LARGE1: variants seen among roughly 807,000 people sequenced by gnomAD.
LARGE1 encodes the protein LARGE xylosyl- and glucuronyltransferase 1.
A neutral mutation model predicts 87.6 loss-of-function variants in LARGE1; 43 were observed. The ratio of observed to expected loss-of-function variants is 0.49; its 90% confidence interval spans 0.38 to 0.63. The LOEUF (loss-of-function observed/expected upper bound fraction) is 0.63, where lower values mean the gene tolerates loss of function less well. Ranked by LOEUF, LARGE1 falls within the 30% of genes least tolerant of loss-of-function variation. The pLI is 0.00. For missense variants in LARGE1, 802 were observed against 1,000.2 expected (o/e 0.80, Z 2.67); for synonymous variants, 434 against 394.6 (o/e 1.10, Z -1.18).
chr22:33,198,676 C>CACACATACACACAT lies in LARGE1; in HGVS notation c.1731-31845_1731-31844insATGTGTGTATGTGT, dbSNP rs60375534. Among the ~76,000 whole-genome samples the CACACATACACACAT allele has an allele frequency of 2.3e-3, 336 of 148,564 alleles. 2 individuals are homozygous for CACACATACACACAT. The highest frequency in any genetic ancestry group is 7.8e-3 in the African/African-American group (313 of 39,996). On this transcript the variant is annotated intron_variant, in intron 11 of 11. Coordinates refer to the LARGE1 transcript ENST00000608642. ...ACACACACACACACACACACACACACGTATCTAAAATACTATACTACATGG... is the reference window on the plus strand; with the variant it reads ...ACACACACACACACACACACACACACACACATACACACATGTATCTAAAATACTATACTACATGG...
At chr22:33,254,563 C>G (rs923855961) in intron 11 of LARGE1, among the ~76,000 whole-genome samples, 6 of 152,194 alleles carry the variant, frequency 3.9e-5, no homozygotes, top group African/African-American at 1.4e-4. Context: ...GACTCCAGAG[C>G]CAGAATGACT....
intron 6 of LARGE1, among the ~76,000 whole-genome samples, chr22:33,504,086 CAG>C (rs1020870302): frequency 6.6e-6 from 1 of 152,120 alleles, no homozygotes; most frequent in Non-Finnish European, 1.5e-5. Flanking sequence ...TCTGCAGAGA[CAG>C]AGAGTAGATT....
At chr22:33,165,524 C>T (rs1226930863) in exon 12 of LARGE1, 1 of 152,204 alleles carries the variant, frequency 6.6e-6, no homozygotes, top group Non-Finnish European at 1.5e-5. Flanking sequence ...TCTACCTGTA[C>T]TTCAAAATCA....
At chr22:33,889,372 T>A (rs2064945545) in intron 1 of LARGE1, 1 of 152,268 alleles carries the variant, frequency 6.6e-6, no homozygotes, top group South Asian at 2.1e-4. Context: ...ATTTATGACA[T>A]CTTTTTCAAT....
At chr22:33,250,450 C>A (rs1425662828) in intron 11 of LARGE1, among the ~76,000 whole-genome samples, 1 of 152,184 alleles carries the variant, frequency 6.6e-6, no homozygotes, top group Non-Finnish European at 1.5e-5. Flanking sequence ...CACAGACAAT[C>A]ATGTCATCTG....
At chr22:33,786,469 G>A (rs1318883352) in intron 1 of LARGE1, among the ~76,000 whole-genome samples, 1 of 152,096 alleles carries the variant, frequency 6.6e-6, no homozygotes, top group Non-Finnish European at 1.5e-5. Flanking sequence ...GGGAAAGGGT[G>A]GACTCTTCTC....
In LARGE1 at chr22:33,753,386, A is replaced by G. The variant is rs533200836; in HGVS notation, c.106+7985T>C. On this transcript the variant is annotated intron_variant, in intron 2 of 14. Coordinates refer to ENST00000397394, the MANE Select transcript of LARGE1 (RefSeq NM_133642.5). ...TGGAGGAAGGCGTCACAAGCCAAGGAAAGCGGGCAGCCTCAAGAAGCTTAA... is the reference window on the plus strand; with the variant it reads ...TGGAGGAAGGCGTCACAAGCCAAGGGAAGCGGGCAGCCTCAAGAAGCTTAA... Among the ~76,000 whole-genome samples, 5 of 152,300 alleles carry G rather than the reference A, an allele frequency of 3.3e-5. No homozygotes were observed. In the South Asian group the frequency reaches 1.0e-3, roughly 32 times the overall value.
At chr22:33,921,776 C>A (rs895813710), upstream of LARGE1, among the ~76,000 whole-genome samples, 7 of 152,122 alleles carry the variant, frequency 4.6e-5, no homozygotes, top group Non-Finnish European at 1.0e-4. The surrounding 1 kb of genome is among the most constrained non-coding windows in gnomAD (Gnocchi z 4.1). Flanking sequence ...AATGGACTTC[C>A]AGCCTCCCAG....
At chr22:33,356,604 CT>C (rs1311917284) in intron 9 of LARGE1, among the ~76,000 whole-genome samples, 5 of 152,068 alleles carry the variant, frequency 3.3e-5, no homozygotes, top group Non-Finnish European at 5.9e-5. Context: ...AGACCCATCT[CT>C]ACTAAAAATA....
intron 1 of LARGE1, among the ~76,000 whole-genome samples, chr22:33,768,293 G>A (rs1159941209): frequency 2.0e-5 from 3 of 152,060 alleles, no homozygotes; most frequent in Admixed American, 6.6e-5. Flanking sequence ...GCGAGACTCC[G>A]TCCCACTCCA....
At chr22:33,079,308 AG>A in the LARGE1 span, among the ~76,000 whole-genome samples, 2 of 147,992 alleles carry the variant, frequency 1.4e-5, no homozygotes, top group Non-Finnish European at 3.0e-5. Flanking sequence ...GCTCACTGCA[AG>A]CTCCGCCTCC....
chr22:33,140,184 G>A, the LARGE1 span, among the ~76,000 whole-genome samples: 2 of 152,320 alleles, frequency 1.3e-5, 1 homozygote, highest in South Asian at 4.2e-4. Context: ...TCTGGGAGGG[G>A]GTTGCAGGTG....
chr22:33,404,312 T>C (rs565480765), intron 7 of LARGE1, among the ~76,000 whole-genome samples: 18 of 152,136 alleles, frequency 1.2e-4, no homozygotes, highest in Admixed American at 2.6e-4. Context: ...AGCTGATAAA[T>C]TGGAAAAACA....
intron 6 of LARGE1, among the ~76,000 whole-genome samples, chr22:33,522,297 T>C (rs893615654): frequency 3.3e-5 from 5 of 152,232 alleles, no homozygotes; most frequent in Non-Finnish European, 2.9e-5. Flanking sequence ...ACAGGCATTT[T>C]GTAGACGTTG....
chr22:33,854,062 T>C (rs2063686428), intron 1 of LARGE1, among the ~76,000 whole-genome samples: 1 of 152,068 alleles, frequency 6.6e-6, no homozygotes, highest in South Asian at 2.1e-4. Flanking sequence ...AAATTGCCTA[T>C]TGTGGATTAA....
Position 33,915,042 on chromosome 22 carries a change from C to CACACACACACACAGAG in LARGE1, c.-83+4952_-83+4953insCTCTGTGTGTGTGTGT, listed in dbSNP as rs144076486. On this transcript the variant is annotated intron_variant, in intron 1 of 14. Transcript: ENST00000397394. ...ACACACACACACACACACACACACA[C>CACACACACACACAGAG]AGAGAGAGAGAGAGAGAGAGAGGCT... 2.6e-3 allele frequency among the ~76,000 whole-genome samples: 351 copies of CACACACACACACAGAG among 137,096 alleles called. 3 individuals are homozygous for CACACACACACACAGAG. The highest frequency in any genetic ancestry group is 4.2e-3 in the Non-Finnish European group (267 of 64,256). 89.9% of individuals were successfully genotyped at this position (137,096 alleles called of 152,430 possible). A position where few individuals can be genotyped will look rare whatever the true frequency, so the allele number is the denominator to read the frequency against.
At chr22:33,904,195 GA>G (rs2065367690) in intron 1 of LARGE1, among the ~76,000 whole-genome samples, 1 of 152,040 alleles carries the variant, frequency 6.6e-6, no homozygotes, top group Non-Finnish European at 1.5e-5. Flanking sequence ...GCTTTCTTTT[GA>G]GATGGAGTCT....
At chr22:33,856,834 G>C (rs2063769012) in intron 1 of LARGE1, 2 of 152,192 alleles carry the variant, frequency 1.3e-5, no homozygotes. Flanking sequence ...TTTAAGGTTA[G>C]TTGTCAGATG....
intron 10 of LARGE1, among the ~76,000 whole-genome samples, chr22:33,319,284 C>T (rs576392168): frequency 3.4e-4 from 52 of 152,292 alleles, no homozygotes; most frequent in African/African-American, 1.1e-3. Flanking sequence ...CCTACCATTG[C>T]CATGAGAAGA....
Sources: gnomAD v4.1 joint callset for allele counts (sites outside exome capture counted in the v4.1 genomes callset) on GRCh38, gnomAD v4.1.1 for gene constraint, Gnocchi (gnomAD v3.1) non-coding constraint, MANE v1.5 for transcripts, NCBI Gene and HGNC (gene_info 2026-07-23, HGNC 2026-07-21) for gene names.